The following RUSC2 variants were observed in gnomAD, a reference collection of about 807,000 sequenced individuals.
The protein encoded by RUSC2 is RUN and SH3 domain containing 2.
Under a neutral mutation model 122.2 loss-of-function variants are expected in RUSC2, and 34 were observed. The observed-to-expected ratio is 0.28, with a 90% CI of 0.21 to 0.37. The LOEUF is 0.37. Ranked by LOEUF, RUSC2 falls within the 10% of genes least tolerant of loss-of-function variation. The probability of loss-of-function intolerance (pLI) is 1.00; values close to 1 mark genes in which losing one functional copy is unlikely to be tolerated. For missense variants in RUSC2, 1,747 were observed against 1,952.4 expected (o/e 0.89, Z 1.98); for synonymous variants, 784 against 790.0 (o/e 0.99, Z 0.13).
chr9:35,503,337 A>G (rs1820852374), intron 1 of RUSC2, among the ~76,000 whole-genome samples: 1 of 152,176 alleles, frequency 6.6e-6, no homozygotes, highest in Non-Finnish European at 1.5e-5. Context: ...TTTAGCTCCT[A>G]CTATGAGTGA....
rs1821983364 is a variant in RUSC2, at chr9:35,555,185, C to T, written c.2140C>T (p.His714Tyr). The change falls in exon 3 of 12, where the codon CAC (histidine) becomes TAC (tyrosine). Residue 714 changes from histidine to tyrosine, a missense_variant. Physicochemically the swap from His to Tyr is moderately conservative, Grantham distance 83. Coordinates refer to ENST00000361226, the MANE Select transcript of RUSC2 (RefSeq NM_014806.5). This position sits in a 1 kb window ranked among gnomAD's most constrained non-coding sequence, Gnocchi z 4.6. ...GCAGCTGGCCAAGGCCCGGGCCCTC[C>T]ACAGCCTTTCCCAGCTCTACAGCCT... is the stretch of plus-strand genomic sequence containing the variant. ...PKQLAKARAL[H>Y]SLSQLYSLSG... The T allele has an allele frequency of 6.2e-7, 1 of 1,613,478 alleles. No individual in the cohort carries two copies. Among genetic ancestry groups the T allele is most frequent in the African/African-American group, 1.3e-5 (1 of 74,918 alleles).
Position 35,560,179 on chromosome 9 carries a change from A to G in RUSC2, c.3539A>G (p.Gln1180Arg), listed in dbSNP as rs935336062. 5.0e-6 allele frequency: 8 copies of G among 1,606,900 alleles called. No individual in the cohort carries two copies. Among genetic ancestry groups the G allele is most frequent in the African/African-American group, 1.3e-5 (1 of 75,070 alleles). The part of the protein sequence containing the change: ...LDLLFQHRLL[Q>R]SGQQQRQHKE... Reference sequence around the variant, plus strand: ...TTGCTGTTCCAGCACCGGCTGCTGCAAAGTGGGCAGCAGCAGCGGCAGCAC... The same window carrying G: ...TTGCTGTTCCAGCACCGGCTGCTGCGAAGTGGGCAGCAGCAGCGGCAGCAC... The change falls in exon 10 of 12, where the codon CAA (glutamine) becomes CGA (arginine). Residue 1180 changes from glutamine to arginine, a missense_variant. Coordinates refer to ENST00000361226, the MANE Select transcript of RUSC2 (RefSeq NM_014806.5).
At chr9:35,495,073 ATATATAGTATATATT>A (rs1468525864) in intron 1 of RUSC2, among the ~76,000 whole-genome samples, 19 of 24,280 alleles carry the variant, frequency 7.8e-4, no homozygotes, top group Admixed American at 2.3e-3. Context: ...AGTATATATT[ATATATAGTATATATT>A]ATATATACTA....
At chr9:35,524,465 A>G (rs1821282521) in intron 1 of RUSC2, among the ~76,000 whole-genome samples, 2 of 152,258 alleles carry the variant, frequency 1.3e-5, no homozygotes, top group African/African-American at 4.8e-5. Flanking sequence ...CTTATTAATT[A>G]GAGGAGAAAA....
At chr9:35,522,647 C>T (rs1587847115) in intron 1 of RUSC2, among the ~76,000 whole-genome samples, 1 of 152,158 alleles carries the variant, frequency 6.6e-6, no homozygotes, top group Admixed American at 6.5e-5. Flanking sequence ...GGCTTGATTG[C>T]TTGCTTGATT....
intron 1 of RUSC2, among the ~76,000 whole-genome samples, chr9:35,509,915 C>G (rs1210025698): frequency 2.0e-5 from 3 of 152,192 alleles, no homozygotes; most frequent in Non-Finnish European, 4.4e-5. Flanking sequence ...AACTTGCCAG[C>G]TGCTACAGAA....
At chr9:35,553,841 C>CAT (rs1373496163) in intron 2 of RUSC2, among the ~76,000 whole-genome samples, 1 of 152,124 alleles carries the variant, frequency 6.6e-6, no homozygotes, top group Non-Finnish European at 1.5e-5. Context: ...GTCCCCATCC[C>CAT]CTCTGACTCT....
intron 2 of RUSC2, among the ~76,000 whole-genome samples, chr9:35,552,255 G>A (rs148347350): frequency 1.3e-5 from 2 of 152,338 alleles, no homozygotes; most frequent in African/African-American, 4.8e-5. Context: ...CATCTACCCG[G>A]GAGGCTGAGG....
chr9:35,556,531 C>CCTCTAAGTGCTGGCTGGGCA, intron 5 of RUSC2, 83 bp downstream of exon 5: 1 of 1,404,308 alleles, frequency 7.1e-7, no homozygotes, highest in Non-Finnish European at 9.3e-7. Flanking sequence ...CAGTCTGAAA[C>CCTCTAAGTGCTGGCTGGGCA]CTCTAAGTGC....
chr9:35,537,981 T>C (rs1414297488), intron 1 of RUSC2, among the ~76,000 whole-genome samples: 1 of 152,202 alleles, frequency 6.6e-6, no homozygotes. Flanking sequence ...CTGAGGAGGC[T>C]GGAGCAGGGA....
intron 1 of RUSC2, among the ~76,000 whole-genome samples, chr9:35,499,266 G>A (rs951696294): frequency 6.6e-6 from 1 of 151,908 alleles, no homozygotes; most frequent in African/African-American, 2.4e-5. Context: ...CAGCCTGGGC[G>A]ACAGAGTGAA....
In RUSC2 at chr9:35,558,407, G is replaced by T; in HGVS notation, c.3235+36G>T. 1 of 1,613,972 alleles carries T rather than the reference G, an allele frequency of 6.2e-7. No homozygotes were observed. Among genetic ancestry groups the T allele is most frequent in the South Asian group, 1.1e-5 (1 of 91,074 alleles). Reference sequence around the variant, plus strand: ...GGTGCCAAGACGGGGACCCAGGGCTGAATTTAGGGCTCCAGAAATTGGTCA... The same window carrying T: ...GGTGCCAAGACGGGGACCCAGGGCTTAATTTAGGGCTCCAGAAATTGGTCA... On this transcript the variant is annotated intron_variant, in intron 7 of 11. Coordinates refer to ENST00000361226, the MANE Select transcript of RUSC2 (RefSeq NM_014806.5). The surrounding 1 kb of genome is among the most constrained non-coding windows in gnomAD (Gnocchi z 4.3).
At chr9:35,513,889 A>G (rs1821054326) in intron 1 of RUSC2, among the ~76,000 whole-genome samples, 2 of 112,424 alleles carry the variant, frequency 1.8e-5, no homozygotes, top group Non-Finnish European at 3.6e-5. Context: ...TTTTGTAAAT[A>G]GTGCTTCAAC....
Position 35,533,969 on chromosome 9 carries a change from T to C in RUSC2, c.-92-12461T>C, listed in dbSNP as rs545278122. 3.9e-5 allele frequency among the ~76,000 whole-genome samples: 6 copies of C among 152,346 alleles called. No individual in the cohort carries two copies. The East Asian group carries it at 9.6e-4, about 24-fold the overall frequency. Reference sequence around the variant, plus strand: ...GGATGTTTTTTGTTTCTCGTAGGTATATACCTAGAAGCAGAATTGCTGGGG... The same window carrying C: ...GGATGTTTTTTGTTTCTCGTAGGTACATACCTAGAAGCAGAATTGCTGGGG... On this transcript the variant is annotated intron_variant, in intron 1 of 11. Transcript: ENST00000361226.
chr9:35,556,545 C>T, intron 5 of RUSC2, 97 bp downstream of exon 5: 1 of 1,331,138 alleles, frequency 7.5e-7, no homozygotes. Flanking sequence ...TAAGTGCTGG[C>T]TGGGCCCAGT....
intron 1 of RUSC2, among the ~76,000 whole-genome samples, chr9:35,529,679 A>G (rs978511637): frequency 7.3e-5 from 11 of 151,154 alleles, no homozygotes; most frequent in African/African-American, 1.5e-4. Context: ...CAGGGTCATG[A>G]CTGGATATAA....
intron 1 of RUSC2, among the ~76,000 whole-genome samples, chr9:35,538,018 A>G (rs1420620651): frequency 6.6e-6 from 1 of 152,174 alleles, no homozygotes; most frequent in African/African-American, 2.4e-5. Flanking sequence ...GTAGGTCTCC[A>G]GGCAGAACTG....
intron 1 of RUSC2, chr9:35,539,007 TC>T (rs1821587476): frequency 6.6e-6 from 1 of 152,264 alleles, no homozygotes; most frequent in East Asian, 1.9e-4. Flanking sequence ...CCCTGTGTGA[TC>T]CCGTGGAACA....
At chr9:35,498,849 AAAAAAAAC>A (rs1159697114) in intron 1 of RUSC2, among the ~76,000 whole-genome samples, 17 of 151,796 alleles carry the variant, frequency 1.1e-4, no homozygotes, top group African/African-American at 4.1e-4. Context: ...ATCTCAAAAA[AAAAAAAAC>A]AAAAAAAGAA....
Sources: gnomAD v4.1 joint callset for allele counts (sites outside exome capture counted in the v4.1 genomes callset) on GRCh38, gnomAD v4.1.1 for gene constraint, Gnocchi (gnomAD v3.1) non-coding constraint, MANE v1.5 for transcripts, NCBI Gene and HGNC (gene_info 2026-07-23, HGNC 2026-07-21) for gene names.